SCAND3: variants seen among roughly 807,000 people sequenced by gnomAD.
The protein encoded by SCAND3 is SCAN domain-containing protein 3.
the SCAND3 span, among the ~76,000 whole-genome samples, chr6:28,599,298 A>T: frequency 6.6e-6 from 1 of 152,254 alleles, no homozygotes; most frequent in African/African-American, 2.4e-5. Flanking sequence ...TTAGTTGTAG[A>T]AAAAACAAAC....
the SCAND3 span, chr6:28,576,168 A>G: frequency 6.7e-7 from 1 of 1,503,124 alleles, no homozygotes; most frequent in Admixed American, 2.2e-5. Flanking sequence ...CAATTAGAAT[A>G]TTCAGGAATA....
At chr6:28,584,749 A>G in the SCAND3 span, among the ~76,000 whole-genome samples, 4 of 152,162 alleles carry the variant, frequency 2.6e-5, no homozygotes, top group South Asian at 2.1e-4. Flanking sequence ...TTATCAATCT[A>G]ATTTCTTAAT....
chr6:28,593,576 G>A, the SCAND3 span: 2 of 152,328 alleles, frequency 1.3e-5, no homozygotes, highest in Admixed American at 1.3e-4. Context: ...TCAGGAGGCT[G>A]AGGCAGGAAA....
the SCAND3 span, among the ~76,000 whole-genome samples, chr6:28,604,016 A>G: frequency 6.6e-6 from 1 of 152,196 alleles, no homozygotes; most frequent in Non-Finnish European, 1.5e-5. Context: ...CAAGATGTTG[A>G]GAACTGAAGC....
At chr6:28,615,600 C>CA in the SCAND3 span, among the ~76,000 whole-genome samples, 5,414 of 115,592 alleles carry the variant, frequency 0.047, 151 homozygotes, top group Non-Finnish European at 0.071. Flanking sequence ...GACTCCATCT[C>CA]AAAAAAAAAA....
At chr6:28,579,408 G>A in the SCAND3 span, 1 of 1,613,460 alleles carries the variant, frequency 6.2e-7, no homozygotes, top group East Asian at 2.2e-5. This position sits in a 1 kb window ranked among gnomAD's most constrained non-coding sequence, Gnocchi z 4.5. Flanking sequence ...GCCCATATGT[G>A]CCCTGTGAGA....
At chr6:28,585,267 A>C in the SCAND3 span, 1 of 152,214 alleles carries the variant, frequency 6.6e-6, no homozygotes, top group Admixed American at 6.5e-5. Flanking sequence ...TCACAAGCAC[A>C]CTTCTATGGC....
chr6:28,593,822 G>A, the SCAND3 span, among the ~76,000 whole-genome samples: 2 of 152,006 alleles, frequency 1.3e-5, no homozygotes, highest in South Asian at 2.1e-4. Context: ...CCCTTGCCTC[G>A]GCTTCCCAAT....
the SCAND3 span, among the ~76,000 whole-genome samples, chr6:28,612,522 T>A: frequency 6.6e-6 from 1 of 152,328 alleles, no homozygotes; most frequent in East Asian, 1.9e-4. Flanking sequence ...TAAAAGACCA[T>A]AAACACACTG....
At chr6:28,572,157 T>C in the SCAND3 span, 2 of 1,614,058 alleles carry the variant, frequency 1.2e-6, no homozygotes, top group Non-Finnish European at 1.7e-6. The surrounding 1 kb of genome is among the most constrained non-coding windows in gnomAD (Gnocchi z 4.1). Flanking sequence ...AAGGAAGTGA[T>C]GCTGTATTTT....
the SCAND3 span, chr6:28,573,870 C>T: frequency 2.0e-6 from 3 of 1,486,858 alleles, no homozygotes; most frequent in South Asian, 1.4e-5. Flanking sequence ...TTTTACTTTC[C>T]TCCTTCAGCT....
the SCAND3 span, chr6:28,589,673 C>G: frequency 6.6e-6 from 1 of 152,090 alleles, no homozygotes; most frequent in Non-Finnish European, 1.5e-5. Context: ...GAGAAAGATG[C>G]TGCTCTTATC....
the SCAND3 span, chr6:28,573,823 G>C: frequency 1.3e-6 from 2 of 1,521,072 alleles, no homozygotes; most frequent in Non-Finnish European, 1.8e-6. Flanking sequence ...AGCTTGTTTC[G>C]CCATCTGAAA....
chr6:28,589,949 C>T, the SCAND3 span: 2 of 150,294 alleles, frequency 1.3e-5, no homozygotes, highest in Admixed American at 1.3e-4. Flanking sequence ...AATTCACCCT[C>T]ATCTGCTTTC....
At chr6:28,574,983 G>A in the SCAND3 span, 1 of 1,613,534 alleles carries the variant, frequency 6.2e-7, no homozygotes, top group Non-Finnish European at 8.5e-7. Flanking sequence ...TATCACTACT[G>A]TCTGTTCCAG....
the SCAND3 span, chr6:28,573,350 A>G: frequency 6.2e-7 from 1 of 1,614,128 alleles, no homozygotes; most frequent in South Asian, 1.1e-5. Context: ...TCTTTGATGC[A>G]GTCTTTCACT....
the SCAND3 span, chr6:28,589,358 A>G: frequency 6.6e-6 from 1 of 152,088 alleles, no homozygotes; most frequent in African/African-American, 2.4e-5. Flanking sequence ...GACTATACTT[A>G]CCTACTGTAC....
chr6:28,608,014 T>G, the SCAND3 span, among the ~76,000 whole-genome samples: 1 of 152,168 alleles, frequency 6.6e-6, no homozygotes, highest in Non-Finnish European at 1.5e-5. Context: ...GCCTCCTAAT[T>G]GCCATCATGT....
At chr6:28,607,706 G>C in the SCAND3 span, among the ~76,000 whole-genome samples, 2 of 151,990 alleles carry the variant, frequency 1.3e-5, no homozygotes, top group Admixed American at 6.6e-5. Flanking sequence ...GCGGTGATAG[G>C]TACATGAAGG....
Sources: gnomAD v4.1 joint callset for allele counts (sites outside exome capture counted in the v4.1 genomes callset) on GRCh38, gnomAD v4.1.1 for gene constraint, Gnocchi (gnomAD v3.1) non-coding constraint, MANE v1.5 for transcripts, NCBI Gene and HGNC (gene_info 2026-07-23, HGNC 2026-07-21) for gene names.